ZNF514: variants seen among roughly 807,000 people sequenced by gnomAD.
ZNF514 encodes zinc finger protein 514.
A neutral mutation model predicts 9.7 loss-of-function variants in ZNF514; 12 were observed. That is an observed-to-expected ratio of 1.24 (90% CI 0.79 to 2.01). The LOEUF (loss-of-function observed/expected upper bound fraction) is 2.01, where lower values mean the gene tolerates loss of function less well. Ranked by LOEUF, ZNF514 falls within the 30% of genes most tolerant of loss-of-function variation. The pLI, the probability that ZNF514 is intolerant of heterozygous loss-of-function variation, is 0.00. For missense variants in ZNF514, 467 were observed against 465.5 expected (o/e 1.00, Z -0.03); for synonymous variants, 158 against 163.7 (o/e 0.97, Z 0.27).
chr2:95,140,613 GAA>G (rs1216609210), downstream of ZNF514, among the ~76,000 whole-genome samples: 3 of 151,100 alleles, frequency 2.0e-5, no homozygotes, highest in Admixed American at 6.6e-5. Flanking sequence ...ACTTCATCTT[GAA>G]AAAATATATA....
rs144890100 is a variant in ZNF514, at chr2:95,149,642, A to C, written c.843T>G (p.Phe281Leu). 85 of 1,614,040 alleles carry C rather than the reference A, an allele frequency of 5.3e-5. No individual in the cohort carries two copies. Among genetic ancestry groups the C allele is most frequent in the Non-Finnish European group, 6.9e-5 (81 of 1,180,042 alleles). The part of the protein sequence containing the change: ...QSSSLVLHYR[F>L]HTGEKPYKCN... ...ATTTGTAGGGTTTCTCTCCAGTGTG[A>C]AATCTATAGTGCAGAACAAGAGACG... The change falls in exon 5 of 5, where the codon TTT becomes TTG. Residue 281 changes from phenylalanine (F) to leucine (L), a missense_variant. Coordinates refer to ENST00000295208, the MANE Select transcript of ZNF514 (RefSeq NM_032788.3).
intron 4 of ZNF514, among the ~76,000 whole-genome samples, chr2:95,151,868 C>G (rs1023960410): frequency 1.3e-5 from 2 of 152,294 alleles, no homozygotes; most frequent in Non-Finnish European, 2.9e-5. Context: ...GAAAAAAGAT[C>G]AAGTAAGTAC....
chr2:95,129,820 TA>T, the ZNF514 span, among the ~76,000 whole-genome samples: 1 of 152,124 alleles, frequency 6.6e-6, no homozygotes, highest in Non-Finnish European at 1.5e-5. Context: ...TGACTTTATT[TA>T]AAACAGAGTT....
At chr2:95,130,494 A>T in the ZNF514 span, among the ~76,000 whole-genome samples, 3 of 152,300 alleles carry the variant, frequency 2.0e-5, no homozygotes, top group East Asian at 5.8e-4. Flanking sequence ...ACTGGAGTTT[A>T]TTTGACCTCT....
Position 95,147,029 on chromosome 2 carries a change from C to A in ZNF514, c.*2253G>T, listed in dbSNP as rs1423341853. ...CCACTTTGAGCTGGTTCCCTGAATT[C>A]TGGGCTCAACTTCCTCATCTGGACT... is the stretch of plus-strand genomic sequence containing the variant. On this transcript the variant is annotated 3_prime_UTR_variant, in exon 5 of 5. Transcript: ENST00000295208. 1.3e-5 allele frequency among the ~76,000 whole-genome samples: 2 copies of A among 152,108 alleles called. No individual in the cohort carries two copies. The highest frequency in any genetic ancestry group is 2.9e-5 in the Non-Finnish European group (2 of 68,026).
At position 95,159,269 on chromosome 2, in the gene ZNF514, CTCTG is replaced by C; in HGVS notation, c.-129_-126del. The C allele has an allele frequency of 3.7e-4, 62 of 165,636 alleles. No homozygotes were observed. Among genetic ancestry groups the C allele is most frequent in the South Asian group, 1.1e-3 (8 of 7,506 alleles). 10.3% of individuals were successfully genotyped at this position (165,636 alleles called of 1,614,324 possible). ...GGCTCGGCTCCTCCTCAGGACCAGGCTCTGGAACCCAGCTCCCACGTGGATCCAC... is the reference window on the plus strand; with the variant it reads ...GGCTCGGCTCCTCCTCAGGACCAGGCGAACCCAGCTCCCACGTGGATCCAC... On this transcript the variant is annotated 5_prime_UTR_variant, in exon 1 of 5. Coordinates refer to ENST00000295208, the MANE Select transcript of ZNF514 (RefSeq NM_032788.3).
At chr2:95,157,510 C>A in intron 1 of ZNF514, 71 bp from the exon 2 acceptor site, 1 of 887,544 alleles carries the variant, frequency 1.1e-6, no homozygotes, top group Non-Finnish European at 1.6e-6. Flanking sequence ...CTTCCCAAGC[C>A]TGAGACCCAG....
At chr2:95,154,848 T>C (rs1203872331) in intron 2 of ZNF514, 1 of 152,236 alleles carries the variant, frequency 6.6e-6, no homozygotes, top group Non-Finnish European at 1.5e-5. Context: ...ATCATGGATG[T>C]GGTTGTCAAA....
downstream of ZNF514, among the ~76,000 whole-genome samples, chr2:95,142,174 TTACCAACATTG>T (rs923667253): frequency 6.6e-6 from 1 of 152,178 alleles, no homozygotes; most frequent in Non-Finnish European, 1.5e-5. Context: ...ACCCTCAATC[TTACCAACATTG>T]GTTATACCAT....
In ZNF514 at chr2:95,150,271, T is replaced by TAAA; in HGVS notation, c.218-5_218-4insTTT. On this transcript the variant is annotated splice_region_variant and splice_polypyrimidine_tract_variant and intron_variant, in intron 4 of 4. Coordinates refer to ENST00000295208, the MANE Select transcript of ZNF514 (RefSeq NM_032788.3). Reference sequence around the variant, plus strand: ...GATTTAGACCTTCTCTTCCAGTCTGTTAAAAAAAAAAAAAAAAAAAGAAGA... The same window carrying TAAA: ...GATTTAGACCTTCTCTTCCAGTCTGTAAATAAAAAAAAAAAAAAAAAAAGAAGA... 1 of 1,337,740 alleles carries TAAA rather than the reference T, an allele frequency of 7.5e-7. No individual in the cohort carries two copies. The highest frequency in any genetic ancestry group is 9.5e-7 in the Non-Finnish European group (1 of 1,057,452). 82.9% of individuals were successfully genotyped at this position (1,337,740 alleles called of 1,614,324 possible). A position where few individuals can be genotyped will look rare whatever the true frequency, so the allele number is the denominator to read the frequency against.
chr2:95,149,987 A>C lies in ZNF514; in HGVS notation c.498T>G (p.Leu166=), dbSNP rs774550275. The change falls in exon 5 of 5, where the codon CTT becomes CTG. Residue 166 remains leucine (L), a synonymous_variant. Coordinates refer to ENST00000295208, the MANE Select transcript of ZNF514 (RefSeq NM_032788.3). ...FGRSLGLRSV[L]VNQHSILMGE... Reference sequence around the variant, plus strand: ...CCATGAGAATGCTGTGTTGGTTAACAAGGACTGATCTTAAACCTAAGCTTC... The same window carrying C: ...CCATGAGAATGCTGTGTTGGTTAACCAGGACTGATCTTAAACCTAAGCTTC... The C allele has an allele frequency of 1.2e-6, 2 of 1,614,236 alleles. No homozygotes were observed. The highest frequency in any genetic ancestry group is 2.2e-5 in the East Asian group (1 of 44,892).
the ZNF514 span, among the ~76,000 whole-genome samples, chr2:95,130,278 A>C: frequency 1.3e-5 from 2 of 152,326 alleles, no homozygotes; most frequent in South Asian, 4.1e-4. Flanking sequence ...GTAATAGAAT[A>C]TCACAAGGCA....
At chr2:95,151,366 A>G (rs961294788) in intron 4 of ZNF514, among the ~76,000 whole-genome samples, 1 of 152,196 alleles carries the variant, frequency 6.6e-6, no homozygotes, top group Non-Finnish European at 1.5e-5. Context: ...GAAGCTGGGA[A>G]CACCCATCTG....
chr2:95,136,502 C>G, the ZNF514 span, among the ~76,000 whole-genome samples: 1 of 152,080 alleles, frequency 6.6e-6, no homozygotes, highest in Non-Finnish European at 1.5e-5. Context: ...CCGCCTCTGC[C>G]TCCCAAAGTG....
the ZNF514 span, among the ~76,000 whole-genome samples, chr2:95,134,052 A>G: frequency 1.4e-4 from 21 of 152,266 alleles, no homozygotes; most frequent in South Asian, 4.1e-4. Context: ...TATGAACTCA[A>G]AAAAGTTCAG....
At chr2:95,140,729 A>G (rs1248298754), downstream of ZNF514, among the ~76,000 whole-genome samples, 1 of 151,426 alleles carries the variant, frequency 6.6e-6, no homozygotes, top group Non-Finnish European at 1.5e-5. Flanking sequence ...TAATGCCAGC[A>G]CTCTGGGAAG....
At position 95,152,704 on chromosome 2, in the gene ZNF514, C is replaced by T; in HGVS notation, c.187G>A (p.Glu63Lys). The T allele has an allele frequency of 1.2e-6, 2 of 1,614,162 alleles. No homozygotes were observed. The highest frequency in any genetic ancestry group is 1.7e-6 in the Non-Finnish European group (2 of 1,180,032). Reference sequence around the variant, plus strand: ...TGGGCTCCTGTTGAGATTTCTCTCTCCACCATGAAGGGCTCACCCCCTTCC... The same window carrying T: ...TGGGCTCCTGTTGAGATTTCTCTCTTCACCATGAAGGGCTCACCCCCTTCC... ...LEEGGEPFMV[E>K]REISTGAHSD... The change falls in exon 4 of 5, where the codon GAG becomes AAG. Residue 63 changes from glutamate to lysine, a missense_variant. Physicochemically the swap from Glu to Lys is moderately conservative, Grantham distance 56. Coordinates refer to ENST00000295208, the MANE Select transcript of ZNF514 (RefSeq NM_032788.3).
At chr2:95,133,786 T>G in the ZNF514 span, among the ~76,000 whole-genome samples, 7 of 152,220 alleles carry the variant, frequency 4.6e-5, no homozygotes, top group African/African-American at 1.7e-4. Context: ...TATGTCATTT[T>G]GTATCAGGGA....
the ZNF514 span, among the ~76,000 whole-genome samples, chr2:95,130,465 C>A: frequency 6.6e-6 from 1 of 152,162 alleles, no homozygotes; most frequent in Non-Finnish European, 1.5e-5. Context: ...TCCTAATAAG[C>A]CTGGGAGTGC....
Sources: allele counts gnomAD v4.1 joint callset (sites outside exome capture counted in the v4.1 genomes callset), GRCh38; gene constraint gnomAD v4.1.1; transcripts MANE v1.5; gene names NCBI Gene and HGNC (gene_info 2026-07-23, HGNC 2026-07-21).